Variants in PHKB observed in about 807,000 individuals in gnomAD.
PHKB encodes the protein phosphorylase b kinase regulatory subunit beta.
A neutral mutation model predicts 152.1 loss-of-function variants in PHKB; 122 were observed. The observed-to-expected ratio is 0.80, with a 90% CI of 0.69 to 0.93. The LOEUF (loss-of-function observed/expected upper bound fraction) is 0.93, where lower values mean the gene tolerates loss of function less well. Among genes scored for constraint, PHKB ranks in the 40% least tolerant of loss-of-function variants. The pLI, the probability that PHKB is intolerant of heterozygous loss-of-function variation, is 0.00. For synonymous variants in PHKB, 436 were observed against 464.9 expected (o/e 0.94, Z 0.80); for missense variants, 1,304 against 1,328.4 (o/e 0.98, Z 0.29).
intron 1 of PHKB, among the ~76,000 whole-genome samples, chr16:47,478,466 A>ATTTT (rs199656987): frequency 2.3e-5 from 3 of 127,894 alleles, no homozygotes; most frequent in Non-Finnish European, 3.3e-5. Context: ...TTGCTGTGAA[A>ATTTT]TTTTTTTTTT....
At chr16:47,466,442 G>C (rs751231514) in intron 1 of PHKB, among the ~76,000 whole-genome samples, 2 of 152,168 alleles carry the variant, frequency 1.3e-5, no homozygotes, top group East Asian at 3.8e-4. Flanking sequence ...TGGAATAATG[G>C]TTATAGCATA....
At chr16:47,601,620 G>T (rs113372041) in intron 13 of PHKB, among the ~76,000 whole-genome samples, 1 of 151,726 alleles carries the variant, frequency 6.6e-6, no homozygotes. Context: ...CAGGAGAATC[G>T]CTTGAACCTG....
At position 47,679,824 on chromosome 16, in the gene PHKB, G is replaced by C. The variant is rs138197657; in HGVS notation, c.2631-9217G>C. 2.2e-4 allele frequency among the ~76,000 whole-genome samples: 33 copies of C among 152,320 alleles called. 1 individual carries two copies. The East Asian group carries it at 6.2e-3, about 28-fold the overall frequency. ...ACACTATGTTGAATATTAGTGGTGA[G>C]AGAGGGGATCCCTGTCTTGTGCCCA... On this transcript the variant is annotated intron_variant, in intron 26 of 30. Transcript: ENST00000323584.
intron 6 of PHKB, among the ~76,000 whole-genome samples, chr16:47,539,724 G>A (rs1971018398): frequency 6.6e-6 from 1 of 152,152 alleles, no homozygotes; most frequent in Admixed American, 6.5e-5. Flanking sequence ...AACATAAATT[G>A]TGAAGATTTC....
chr16:47,696,388 C>T lies in PHKB; in HGVS notation c.2903C>T (p.Thr968Ile), dbSNP rs962637652. The T allele has an allele frequency of 1.3e-6, 2 of 1,588,974 alleles. No individual in the cohort carries two copies. Among genetic ancestry groups the T allele is most frequent in the East Asian group, 2.2e-5 (1 of 44,766 alleles). Reference protein sequence around the residue: ...VAGKHLPQQPTLSDMTMYEMN... With the variant: ...VAGKHLPQQPILSDMTMYEMN... The stretch of plus-strand genomic sequence containing the variant: ...TGGAGTTATTTTTTTCAGCAACCAA[C>T]CCTGTCAGATATGACCATGTATGAG... The change falls in exon 29 of 31, where the codon ACC becomes ATC. Residue 968 changes from threonine to isoleucine, a missense_variant. Coordinates refer to ENST00000323584, the MANE Select transcript of PHKB (RefSeq NM_000293.3).
At chr16:47,538,650 C>A (rs191523704) in intron 6 of PHKB, among the ~76,000 whole-genome samples, 1 of 152,176 alleles carries the variant, frequency 6.6e-6, no homozygotes, top group Non-Finnish European at 1.5e-5. Flanking sequence ...CATGAGATAA[C>A]CTGGGTAGAC....
At chr16:47,630,502 G>A (rs1972808134) in intron 14 of PHKB, among the ~76,000 whole-genome samples, 1 of 151,846 alleles carries the variant, frequency 6.6e-6, no homozygotes, top group Admixed American at 6.6e-5. Flanking sequence ...AGAAAAAGCA[G>A]ATAAGAAAAT....
At chr16:47,592,333 G>T (rs1972042892) in intron 10 of PHKB, among the ~76,000 whole-genome samples, 1 of 152,212 alleles carries the variant, frequency 6.6e-6, no homozygotes, top group Non-Finnish European at 1.5e-5. Context: ...TAGCTACTTA[G>T]CATGACCTGC....
chr16:47,671,396 CTA>C (rs1567349963), intron 26 of PHKB, among the ~76,000 whole-genome samples: 1 of 152,074 alleles, frequency 6.6e-6, no homozygotes, highest in South Asian at 2.1e-4. Flanking sequence ...GTAGTATTAA[CTA>C]TATACATAAT....
intron 6 of PHKB, among the ~76,000 whole-genome samples, chr16:47,517,658 A>C (rs767698526): frequency 6.6e-6 from 1 of 152,136 alleles, no homozygotes; most frequent in Non-Finnish European, 1.5e-5. Flanking sequence ...GCCATTTTTC[A>C]TGAATATTAT....
In PHKB at chr16:47,578,891, A is replaced by G. The variant is rs564168464; in HGVS notation, c.711-1404A>G. Among the ~76,000 whole-genome samples the G allele has an allele frequency of 1.1e-4, 16 of 151,998 alleles. No individual in the cohort carries two copies. The East Asian group carries it at 3.1e-3, about 29-fold the overall frequency. On this transcript the variant is annotated intron_variant, in intron 7 of 30. Coordinates refer to ENST00000323584, the MANE Select transcript of PHKB (RefSeq NM_000293.3). ...ATTGTCTAAAAGTTTTATTTTTGCTAGGCTGCTCTTCTCCTGTCCTTTGGC... is the reference window on the plus strand; with the variant it reads ...ATTGTCTAAAAGTTTTATTTTTGCTGGGCTGCTCTTCTCCTGTCCTTTGGC...
intron 7 of PHKB, among the ~76,000 whole-genome samples, chr16:47,550,076 T>G (rs1971244912): frequency 6.6e-6 from 1 of 152,224 alleles, no homozygotes; most frequent in Non-Finnish European, 1.5e-5. Flanking sequence ...AAAAGAACTT[T>G]AACCTTAATT....
intron 1 of PHKB, among the ~76,000 whole-genome samples, chr16:47,477,621 G>C (rs189804224): frequency 3.3e-5 from 5 of 152,184 alleles, no homozygotes; most frequent in Admixed American, 3.3e-4. Flanking sequence ...ACAAAATACT[G>C]ACCTAGGTTT....
At chr16:47,513,731 A>G (rs1271486959) in intron 5 of PHKB, among the ~76,000 whole-genome samples, 2 of 152,358 alleles carry the variant, frequency 1.3e-5, no homozygotes, top group African/African-American at 2.4e-5. Flanking sequence ...TTAGAATTCT[A>G]TGGAAACAAA....
chr16:47,661,087 T>C (rs1973436030), intron 22 of PHKB, among the ~76,000 whole-genome samples: 1 of 152,196 alleles, frequency 6.6e-6, no homozygotes, highest in African/African-American at 2.4e-5. Flanking sequence ...AAGTCAATGA[T>C]AGTTGCCTTT....
rs1010467894 is a variant in PHKB at position 47,648,592 on chromosome 16, C to T, written c.1668C>T (p.Pro556=). The T allele has an allele frequency of 5.0e-6, 8 of 1,612,772 alleles. No homozygotes were observed. The highest frequency in any genetic ancestry group is 1.1e-5 in the South Asian group (1 of 91,042). Reference sequence around the variant, plus strand: ...GACTCTCTGGAAGGCCAGACAGGCCCATTGGCTGCCTCGGGACATCAAAGG... The same window carrying T: ...GACTCTCTGGAAGGCCAGACAGGCCTATTGGCTGCCTCGGGACATCAAAGG... ...KLGLSGRPDR[P]IGCLGTSKIY... Residue 556 remains proline, a synonymous_variant, in exon 17 of 31, where the codon CCC becomes CCT. Transcript: ENST00000323584.
intron 7 of PHKB, among the ~76,000 whole-genome samples, chr16:47,557,689 A>G (rs1971401108): frequency 1.3e-5 from 2 of 152,060 alleles, no homozygotes; most frequent in Non-Finnish European, 2.9e-5. Context: ...GTGAGATACC[A>G]TCTCACACCA....
intron 1 of PHKB, among the ~76,000 whole-genome samples, chr16:47,487,314 ACAT>A (rs2151636685): frequency 6.6e-6 from 1 of 152,334 alleles, no homozygotes; most frequent in South Asian, 2.1e-4. Flanking sequence ...CTATTTGTAA[ACAT>A]CATATGCCTG....
In PHKB at chr16:47,461,337, G is replaced by C. The variant is rs769373453; in HGVS notation, c.-14G>C. The C allele has an allele frequency of 7.5e-6, 12 of 1,602,008 alleles. 1 individual carries two copies. The South Asian group carries it at 1.3e-4, about 18-fold the overall frequency. ...GGCCCCGGGGGCGGTGGCCAAGGCGGCGACCGGAGCGCGATGGCGGGGGCG... is the reference window on the plus strand; with the variant it reads ...GGCCCCGGGGGCGGTGGCCAAGGCGCCGACCGGAGCGCGATGGCGGGGGCG... On this transcript the variant is annotated 5_prime_UTR_variant, in exon 1 of 31. Coordinates refer to ENST00000323584, the MANE Select transcript of PHKB (RefSeq NM_000293.3).
Sources: allele counts gnomAD v4.1 joint callset (sites outside exome capture counted in the v4.1 genomes callset), GRCh38; gene constraint gnomAD v4.1.1; transcripts MANE v1.5; gene names NCBI Gene and HGNC (gene_info 2026-07-23, HGNC 2026-07-21).